Variants in DVL3 observed in about 807,000 individuals in gnomAD.
DVL3 encodes the protein dishevelled segment polarity protein 3.
DVL3 carries 27 observed loss-of-function variants against 67.4 expected under a neutral mutation model. That is an observed-to-expected ratio of 0.40 (90% CI 0.30 to 0.55). The LOEUF (loss-of-function observed/expected upper bound fraction) is 0.55, where lower values mean the gene tolerates loss of function less well. DVL3 is among the 20% of genes least tolerant of loss of function. The probability of loss-of-function intolerance (pLI) is 0.46; values close to 1 mark genes in which losing one functional copy is unlikely to be tolerated. For missense variants in DVL3, 819 were observed against 1,021.5 expected (o/e 0.80, Z 2.70); for synonymous variants, 369 against 396.8 (o/e 0.93, Z 0.83).
Position 184,170,522 on chromosome 3 carries a change from C to T in DVL3, c.1918C>T (p.Leu640=). 6.2e-7 allele frequency: 1 copy of T among 1,609,544 alleles called. No individual in the cohort carries two copies. The highest frequency in any genetic ancestry group is 8.5e-7 in the Non-Finnish European group (1 of 1,177,926). ...SEHSHRSHHS[L]ASSLRSHHTH... is the part of the protein sequence containing the mutation. ...GCACAGCCACCGCAGCCACCATTCCCTGGCCAGCAGCCTTCGCAGCCACCA... is the reference window on the plus strand; with the variant it reads ...GCACAGCCACCGCAGCCACCATTCCTTGGCCAGCAGCCTTCGCAGCCACCA... Residue 640 remains leucine (L), a synonymous_variant, in exon 15 of 15, where the codon CTG becomes TTG. Transcript: ENST00000313143. The surrounding 1 kb of genome is among the most constrained non-coding windows in gnomAD (Gnocchi z 6.5).
intron 1 of DVL3, among the ~76,000 whole-genome samples, chr3:184,158,262 G>A (rs747659189): frequency 2.5e-4 from 38 of 151,762 alleles, no homozygotes; most frequent in Admixed American, 2.6e-4. Flanking sequence ...GAGCATAGGA[G>A]TTTGGGGCTG....
intron 13 of DVL3, 49 bp downstream of exon 13, chr3:184,168,114 G>A: frequency 6.3e-7 from 1 of 1,585,452 alleles, no homozygotes; most frequent in Non-Finnish European, 8.6e-7. Context: ...TGGGAGTGGG[G>A]AGGTAGCCAG....
chr3:184,166,713 C>A lies in DVL3; in HGVS notation c.1048+40C>A. On this transcript the variant is annotated intron_variant, in intron 10 of 14. Coordinates refer to ENST00000313143, the MANE Select transcript of DVL3 (RefSeq NM_004423.4). This position sits in a 1 kb window ranked among gnomAD's most constrained non-coding sequence, Gnocchi z 6.7. ...GACTCAGTCCTAAAGCTGGTGCTTACATACATGAGCACTGTCTCTCCTTTC... is the reference window on the plus strand; with the variant it reads ...GACTCAGTCCTAAAGCTGGTGCTTAAATACATGAGCACTGTCTCTCCTTTC... 6.2e-7 allele frequency: 1 copy of A among 1,611,932 alleles called. No homozygotes were observed. The highest frequency in any genetic ancestry group is 2.2e-5 in the East Asian group (1 of 44,836).
In DVL3 at chr3:184,170,236, C is replaced by A; in HGVS notation, c.1714+15C>A. On this transcript the variant is annotated intron_variant, in intron 14 of 14. Transcript: ENST00000313143. This position sits in a 1 kb window ranked among gnomAD's most constrained non-coding sequence, Gnocchi z 6.5. ...GCACAGCGAAGGTAAGGTAGAGGGGCCGTGGAGGAAGGCTATAGGTGGGCC... is the reference window on the plus strand; with the variant it reads ...GCACAGCGAAGGTAAGGTAGAGGGGACGTGGAGGAAGGCTATAGGTGGGCC... 6.2e-7 allele frequency: 1 copy of A among 1,611,326 alleles called. No homozygotes were observed. Among genetic ancestry groups the A allele is most frequent in the Non-Finnish European group, 8.5e-7 (1 of 1,179,082 alleles).
rs77851575 is a variant in DVL3, at chr3:184,165,778, C to T, written c.763+287C>T. ...TCTCAGCCATTGCATCCTTGCTCTC[C>T]GATTTCTGCCCTAGGTACTCTCTTT... On this transcript the variant is annotated intron_variant, in intron 7 of 14. Transcript: ENST00000313143. The surrounding 1 kb of genome is among the most constrained non-coding windows in gnomAD (Gnocchi z 4.1). Among the ~76,000 whole-genome samples the T allele has an allele frequency of 0.02, 2,998 of 152,276 alleles. 50 individuals are homozygous for T. The highest frequency in any genetic ancestry group is 0.028 in the Non-Finnish European group (1,894 of 68,020).
In DVL3 at chr3:184,166,843, A is replaced by G. The variant is rs780806808; in HGVS notation, c.1066A>G (p.Ile356Val). 6.2e-7 allele frequency: 1 copy of G among 1,613,976 alleles called. No homozygotes were observed. The highest frequency in any genetic ancestry group is 1.1e-5 in the South Asian group (1 of 91,068). The change falls in exon 11 of 15, where the codon ATT (isoleucine) becomes GTT (valine). Residue 356 changes from isoleucine (I) to valine (V), a missense_variant. This residue lies in a region of DVL3 where 110 missense variants were observed against 203.4 expected (regional missense o/e 0.54). Coordinates refer to ENST00000313143, the MANE Select transcript of DVL3 (RefSeq NM_004423.4). The surrounding 1 kb of genome is among the most constrained non-coding windows in gnomAD (Gnocchi z 6.7). The stretch of plus-strand genomic sequence containing the variant: ...CCCTGCAGGCGAGCCCATCCGGCCC[A>G]TTGACCCTGCGGCCTGGGTCTCCCA... The part of the protein sequence containing the change: ...TLPRSEPIRP[I>V]DPAAWVSHTA...
In DVL3 at chr3:184,171,600, C is replaced by T; in HGVS notation, c.*845C>T. The T allele has an allele frequency of 2.0e-6, 2 of 985,916 alleles. No homozygotes were observed. The highest frequency in any genetic ancestry group is 2.4e-6 in the Non-Finnish European group (2 of 829,950). The allele number at this position is 985,916 out of a possible 1,614,324, so 61.1% of individuals were successfully genotyped here. A position where few individuals can be genotyped will look rare whatever the true frequency, so the allele number is the denominator to read the frequency against. ...TTCGGGCTGTTTGACTTTCTGTGAG[C>T]CCCCAGCGAGGGGAGGCCCAGCCTC... On this transcript the variant is annotated 3_prime_UTR_variant, in exon 15 of 15. Coordinates refer to ENST00000313143, the MANE Select transcript of DVL3 (RefSeq NM_004423.4).
In DVL3 at chr3:184,163,732, G is replaced by A. The variant is rs778562744; in HGVS notation, c.231+6G>A. ...ATGGCCGGGTGGTGTCCTGGGTAAGGAGCCCTCAGCCTTCCATCCACCTGC... is the reference window on the plus strand; with the variant it reads ...ATGGCCGGGTGGTGTCCTGGGTAAGAAGCCCTCAGCCTTCCATCCACCTGC... On this transcript the variant is annotated splice_donor_region_variant and intron_variant, in intron 2 of 14. Coordinates refer to ENST00000313143, the MANE Select transcript of DVL3 (RefSeq NM_004423.4). This position sits in a 1 kb window ranked among gnomAD's most constrained non-coding sequence, Gnocchi z 4.5. 3.1e-6 allele frequency: 5 copies of A among 1,613,856 alleles called. No homozygotes were observed. The highest frequency in any genetic ancestry group is 1.1e-5 in the South Asian group (1 of 91,072).
At chr3:184,157,957 A>G (rs982134595) in intron 1 of DVL3, among the ~76,000 whole-genome samples, 1 of 152,252 alleles carries the variant, frequency 6.6e-6, no homozygotes, top group African/African-American at 2.4e-5. Context: ...GCCAGGGACT[A>G]ATCTAAATGC....
In DVL3 at chr3:184,155,544, C is replaced by G; in HGVS notation, c.-92C>G. The G allele has an allele frequency of 1.2e-6, 1 of 857,458 alleles. No individual in the cohort carries two copies. Among genetic ancestry groups the G allele is most frequent in the Non-Finnish European group, 1.4e-6 (1 of 712,574 alleles). The allele number at this position is 857,458 out of a possible 1,614,324, so 53.1% of individuals were successfully genotyped here. A position where few individuals can be genotyped will look rare whatever the true frequency, so the allele number is the denominator to read the frequency against. ...GCAGCCGCCGAGCTGGGTTGAGCCG[C>G]TGGGCCGCGCCGCGCGCCGCCGCCG... On this transcript the variant is annotated 5_prime_UTR_variant, in exon 1 of 15. Coordinates refer to ENST00000313143, the MANE Select transcript of DVL3 (RefSeq NM_004423.4). This position sits in a 1 kb window ranked among gnomAD's most constrained non-coding sequence, Gnocchi z 5.4.
rs768326206 is a variant in DVL3, at chr3:184,166,714, A to C, written c.1048+41A>C. 1 of 1,612,166 alleles carries C rather than the reference A, an allele frequency of 6.2e-7. No individual in the cohort carries two copies. The highest frequency in any genetic ancestry group is 8.5e-7 in the Non-Finnish European group (1 of 1,178,780). On this transcript the variant is annotated intron_variant, in intron 10 of 14. Transcript: ENST00000313143. The surrounding 1 kb of genome is among the most constrained non-coding windows in gnomAD (Gnocchi z 6.7). ...ACTCAGTCCTAAAGCTGGTGCTTACATACATGAGCACTGTCTCTCCTTTCT... is the reference window on the plus strand; with the variant it reads ...ACTCAGTCCTAAAGCTGGTGCTTACCTACATGAGCACTGTCTCTCCTTTCT...
In DVL3 at chr3:184,165,116, C is replaced by T. The variant is rs377620819; in HGVS notation, c.603C>T (p.Phe201=). The change falls in exon 6 of 15, where the codon TTC becomes TTT. Residue 201 remains phenylalanine, a synonymous_variant. Coordinates refer to ENST00000313143, the MANE Select transcript of DVL3 (RefSeq NM_004423.4). The surrounding 1 kb of genome is among the most constrained non-coding windows in gnomAD (Gnocchi z 4.1). ...GGAACGACTGTGGGCCCCACAGGTTCAGCAGCTCCACAGAACAGAGCAGTG... is the reference window on the plus strand; with the variant it reads ...GGAACGACTGTGGGCCCCACAGGTTTAGCAGCTCCACAGAACAGAGCAGTG... ...DSDEDDSTSR[F]SSSTEQSSAS... 5.6e-6 allele frequency: 9 copies of T among 1,613,982 alleles called. No individual in the cohort carries two copies. The highest frequency in any genetic ancestry group is 7.6e-6 in the Non-Finnish European group (9 of 1,179,962).
At position 184,170,113 on chromosome 3, in the gene DVL3, T is replaced by C. The variant is rs1018717196; in HGVS notation, c.1606T>C (p.Phe536Leu). The C allele has an allele frequency of 3.7e-6, 6 of 1,613,948 alleles. No individual in the cohort carries two copies. The highest frequency in any genetic ancestry group is 5.1e-6 in the Non-Finnish European group (6 of 1,179,984). ...HPGAAPWPMAFPYQYPPPPHP... is the reference protein window; with the variant it reads ...HPGAAPWPMALPYQYPPPPHP... The stretch of plus-strand genomic sequence containing the variant: ...GGGGGCCGCCCCTTGGCCCATGGCT[T>C]TCCCGTACCAGTACCCGCCACCCCC... Residue 536 changes from phenylalanine to leucine, a missense_variant, in exon 14 of 15, where the codon TTC becomes CTC. Physicochemically the swap from Phe to Leu is conservative, Grantham distance 22. Around this residue, in one of 3 missense-constraint regions of DVL3, gnomAD observed 324 missense variants for 331.3 expected, o/e 0.98. Transcript: ENST00000313143. This position sits in a 1 kb window ranked among gnomAD's most constrained non-coding sequence, Gnocchi z 6.5.
intron 13 of DVL3, among the ~76,000 whole-genome samples, chr3:184,169,286 C>T (rs1335279781): frequency 6.6e-6 from 1 of 152,238 alleles, no homozygotes; most frequent in Non-Finnish European, 1.5e-5. Flanking sequence ...GTAGTGTTCG[C>T]TATTGTGCCT....
At chr3:184,169,939 C>G (rs1270050303) in intron 13 of DVL3, 67 bp from the exon 14 acceptor site, 33 of 1,403,932 alleles carry the variant, frequency 2.4e-5, no homozygotes. Context: ...CATCCAGAGC[C>G]CACCTGACCT....
In DVL3 at chr3:184,168,074, C is replaced by T; in HGVS notation, c.1498+9C>T. 1 of 1,610,030 alleles carries T rather than the reference C, an allele frequency of 6.2e-7. No individual in the cohort carries two copies. Among genetic ancestry groups the T allele is most frequent in the East Asian group, 2.2e-5 (1 of 44,758 alleles). On this transcript the variant is annotated intron_variant, in intron 13 of 14. Coordinates refer to ENST00000313143, the MANE Select transcript of DVL3 (RefSeq NM_004423.4). The stretch of plus-strand genomic sequence containing the variant: ...CGGTGACCTCTGCGGCAGTATGTGC[C>T]TCCCTCATCTTCTTGCCCTGTCTCC...
At position 184,167,002 on chromosome 3, in the gene DVL3, C is replaced by T. The variant is rs777600882; in HGVS notation, c.1198+27C>T. 22 of 1,611,480 alleles carry T rather than the reference C, an allele frequency of 1.4e-5. No homozygotes were observed. The highest frequency in any genetic ancestry group is 1.6e-4 in the Middle Eastern group (1 of 6,074). On this transcript the variant is annotated intron_variant, in intron 11 of 14. Transcript: ENST00000313143. The surrounding 1 kb of genome is among the most constrained non-coding windows in gnomAD (Gnocchi z 4.6). ...TGAGTGTCCCACCCTGTCTCCTGGG[C>T]CCAGCAGACAGGGCCAGGTGGGGGG...
chr3:184,156,565 A>C, intron 1 of DVL3: 1 of 433,086 alleles, frequency 2.3e-6, no homozygotes, highest in South Asian at 1.6e-5. Flanking sequence ...GGTGTTCTCT[A>C]TCTTCCCCTC....
chr3:184,157,969 T>C (rs1462983152), intron 1 of DVL3, among the ~76,000 whole-genome samples: 1 of 152,224 alleles, frequency 6.6e-6, no homozygotes, highest in Non-Finnish European at 1.5e-5. Context: ...TCTAAATGCT[T>C]TTCAAATCTT....
Sources: allele counts gnomAD v4.1 joint callset (sites outside exome capture counted in the v4.1 genomes callset), GRCh38; gene constraint gnomAD v4.1.1; regional missense constraint gnomAD v4.1.1; non-coding constraint Gnocchi (gnomAD v3.1); transcripts MANE v1.5; gene names NCBI Gene and HGNC (gene_info 2026-07-23, HGNC 2026-07-21).